The following PCBP3 variants were observed in gnomAD, a reference collection of about 807,000 sequenced individuals.
PCBP3 encodes the protein poly(rC)-binding protein 3.
In PCBP3, 25 loss-of-function variants were observed where a neutral mutation model predicts 52.7. The observed-to-expected ratio is 0.47, with a 90% CI of 0.35 to 0.66. The LOEUF (loss-of-function observed/expected upper bound fraction) is 0.66. PCBP3 is among the 30% of genes least tolerant of loss of function. The pLI is 0.01. For synonymous variants in PCBP3, 162 were observed against 183.0 expected, an observed-to-expected ratio of 0.89 and a Z score of 0.93; for missense variants, 391 against 490.3, an observed-to-expected ratio of 0.80 and a Z score of 1.91.
At chr21:45,680,477 T>C (rs2081769465) in intron 2 of PCBP3, among the ~76,000 whole-genome samples, 1 of 152,228 alleles carries the variant, frequency 6.6e-6, no homozygotes, top group Non-Finnish European at 1.5e-5. Flanking sequence ...TCAGGGATTT[T>C]ATTATATTTT....
At chr21:45,890,188 G>T (rs2095618687) in intron 5 of PCBP3, among the ~76,000 whole-genome samples, 1 of 152,228 alleles carries the variant, frequency 6.6e-6, no homozygotes, top group African/African-American at 2.4e-5. Context: ...CATGGGGAGG[G>T]GTTCTGCCTG....
At chr21:45,848,519 T>G (rs2093870440) in intron 4 of PCBP3, 1 of 152,394 alleles carries the variant, frequency 6.6e-6, no homozygotes. Context: ...GGATCAGCCT[T>G]CTGTTCCCTG....
At chr21:45,756,907 C>T (rs759463376) in intron 4 of PCBP3, among the ~76,000 whole-genome samples, 7 of 152,008 alleles carry the variant, frequency 4.6e-5, no homozygotes, top group South Asian at 2.1e-4. Context: ...TTATAGTTGA[C>T]GGGTATTTAG....
chr21:45,928,167 C>T lies in PCBP3; in HGVS notation c.718-1750C>T, dbSNP rs547178847. Among the ~76,000 whole-genome samples the T allele has an allele frequency of 6.6e-6, 1 of 152,226 alleles. No individual in the cohort carries two copies. Among genetic ancestry groups the T allele is most frequent in the Non-Finnish European group, 1.5e-5 (1 of 68,028 alleles). On this transcript the variant is annotated intron_variant, in intron 13 of 17. Coordinates refer to ENST00000681687, the MANE Select transcript of PCBP3 (RefSeq NM_001384156.1). This position sits in a 1 kb window ranked among gnomAD's most constrained non-coding sequence, Gnocchi z 4.1. ...GCCCCCGCAGGGCCTCGTGTATCTC[C>T]GGGAGGTAGACTGTCCCGGTGACTT...
At chr21:45,785,514 G>C (rs1262985202) in intron 4 of PCBP3, among the ~76,000 whole-genome samples, 20 of 149,702 alleles carry the variant, frequency 1.3e-4, no homozygotes, top group Non-Finnish European at 2.1e-4. Context: ...GGAGGGGGGG[G>C]GGTCAGCCCC....
At chr21:45,876,418 G>A (rs1366309157) in intron 5 of PCBP3, among the ~76,000 whole-genome samples, 1 of 152,202 alleles carries the variant, frequency 6.6e-6, no homozygotes, top group African/African-American at 2.4e-5. Context: ...TGAGACCAGT[G>A]TGGCTGGGCC....
At position 45,853,346 on chromosome 21, in the gene PCBP3, G is replaced by A. The variant is rs1195949960; in HGVS notation, c.10+3251G>A. ...GTGTGCCAATGGCCCTTAAAGGCAG[G>A]GCTGGCGTTACTGGTGGAGGGTGTC... On this transcript the variant is annotated intron_variant, in intron 5 of 17. Transcript: ENST00000681687. This position sits in a 1 kb window ranked among gnomAD's most constrained non-coding sequence, Gnocchi z 4.6. 6.6e-6 allele frequency among the ~76,000 whole-genome samples: 1 copy of A among 152,210 alleles called. No individual in the cohort carries two copies. The highest frequency in any genetic ancestry group is 2.4e-5 in the African/African-American group (1 of 41,458).
At chr21:45,784,527 A>G (rs2090946170) in intron 4 of PCBP3, among the ~76,000 whole-genome samples, 1 of 151,886 alleles carries the variant, frequency 6.6e-6, no homozygotes, top group Non-Finnish European at 1.5e-5. Context: ...GCTGGACTGT[A>G]CTGCTGCCAT....
At chr21:45,814,435 G>A (rs1464116227) in intron 4 of PCBP3, among the ~76,000 whole-genome samples, 1 of 147,952 alleles carries the variant, frequency 6.8e-6, no homozygotes, top group African/African-American at 2.5e-5. Flanking sequence ...GTGACTGAGT[G>A]ATGAGTGGTG....
At chr21:45,797,727 G>A (rs1445517942) in intron 4 of PCBP3, among the ~76,000 whole-genome samples, 49 of 149,880 alleles carry the variant, frequency 3.3e-4, no homozygotes, top group South Asian at 4.2e-4. Flanking sequence ...ATGCATGGAT[G>A]GACGAGTGCG....
At chr21:45,721,458 G>A (rs1333813088) in intron 2 of PCBP3, among the ~76,000 whole-genome samples, 1 of 151,200 alleles carries the variant, frequency 6.6e-6, no homozygotes, top group East Asian at 1.9e-4. Flanking sequence ...GGCTGACCGT[G>A]AGTATTTGAG....
At position 45,941,704 on chromosome 21, in the gene PCBP3, T is replaced by C; in HGVS notation, c.1114T>C (p.Ter372GlnextTer35). 5 of 1,605,618 alleles carry C rather than the reference T, an allele frequency of 3.1e-6. No homozygotes were observed. The highest frequency in any genetic ancestry group is 8.5e-7 in the Non-Finnish European group (1 of 1,176,074). ...CGAGGTCACCGGGATGGGCACGCTG[T>C]AATCCTACCCAGCACCCTTCCCCCG... ...TSEVTGMGTL[*>Q] Residue 372 changes from the stop codon to glutamine, a stop_lost, in exon 18 of 18, where the codon TAA becomes CAA. Transcript: ENST00000681687.
chr21:45,783,267 C>T (rs2146119611), intron 4 of PCBP3, among the ~76,000 whole-genome samples: 1 of 152,286 alleles, frequency 6.6e-6, no homozygotes, highest in South Asian at 2.1e-4. Flanking sequence ...GCTCCTCTTT[C>T]ATGAAGTGCT....
chr21:45,770,979 TG>T (rs1421799008), intron 4 of PCBP3, among the ~76,000 whole-genome samples: 1 of 152,270 alleles, frequency 6.6e-6, no homozygotes, highest in African/African-American at 2.4e-5. Flanking sequence ...TTTGTTTTCC[TG>T]ATTTCTTCAA....
chr21:45,799,842 A>T (rs1034015982), intron 4 of PCBP3, among the ~76,000 whole-genome samples: 1 of 152,236 alleles, frequency 6.6e-6, no homozygotes, highest in South Asian at 2.1e-4. Flanking sequence ...GAATATGATT[A>T]AAAAATAATG....
intron 15 of PCBP3, among the ~76,000 whole-genome samples, chr21:45,934,117 G>A (rs76880182): frequency 0.016 from 2,428 of 152,160 alleles, 71 homozygotes; most frequent in African/African-American, 0.055. Context: ...GGGGTGGGAG[G>A]AGGGCTCCCC....
intron 2 of PCBP3, among the ~76,000 whole-genome samples, chr21:45,703,552 C>T (rs2083262547): frequency 6.6e-6 from 1 of 152,030 alleles, no homozygotes; most frequent in African/African-American, 2.4e-5. Flanking sequence ...TCTTGAAGGG[C>T]CTTGGAGGCC....
intron 4 of PCBP3, among the ~76,000 whole-genome samples, chr21:45,785,294 G>A (rs974200865): frequency 1.3e-5 from 2 of 151,604 alleles, no homozygotes; most frequent in Non-Finnish European, 2.9e-5. Context: ...GGAGATGTGG[G>A]GGTCAGCCCC....
At chr21:45,711,076 C>G (rs1329234680) in intron 2 of PCBP3, among the ~76,000 whole-genome samples, 1 of 152,126 alleles carries the variant, frequency 6.6e-6, no homozygotes, top group Non-Finnish European at 1.5e-5. Flanking sequence ...TATAGTATTT[C>G]CTGCCCTTGT....
Sources: allele counts gnomAD v4.1 joint callset (sites outside exome capture counted in the v4.1 genomes callset), GRCh38; gene constraint gnomAD v4.1.1; non-coding constraint Gnocchi (gnomAD v3.1); transcripts MANE v1.5; gene names NCBI Gene and HGNC (gene_info 2026-07-23, HGNC 2026-07-21).